DNAH10: variants seen among roughly 807,000 people sequenced by gnomAD.
The protein encoded by DNAH10 is axonemal beta dynein heavy chain 10.
DNAH10 carries 348 observed loss-of-function variants against 506.6 expected under a neutral mutation model. The observed-to-expected ratio is 0.69, with a 90% confidence interval of 0.63 to 0.75. DNAH10 has a LOEUF of 0.75. Ranked by LOEUF, DNAH10 falls within the 30% of genes least tolerant of loss-of-function variation. The pLI is 0.00. For synonymous variants in DNAH10, 2,059 were observed against 2,198.6 expected, an observed-to-expected ratio of 0.94 and a Z score of 1.78; for missense variants, 5,179 against 5,787.1, an observed-to-expected ratio of 0.89 and a Z score of 3.41.
At position 123,870,385 on chromosome 12, in the gene DNAH10, T is replaced by G; in HGVS notation, c.7539T>G (p.Tyr2513Ter). Residue 2513 changes from tyrosine to a stop codon, truncating the protein, a stop_gained, in exon 44 of 79, where the codon TAT (tyrosine) becomes TAG (stop). Transcript: ENST00000673944. LOFTEE classifies it high-confidence loss of function. ...CTGCAGGTCAACTTCCAACCTTGTATGACTTTCATTTTGATAACAAACGGA... is the reference window on the plus strand; with the variant it reads ...CTGCAGGTCAACTTCCAACCTTGTAGGACTTTCATTTTGATAACAAACGGA... The part of the protein sequence containing the change: ...GELPGQLPTL[Y>*]DFHFDNKRNQ... 1 of 1,613,852 alleles carries G rather than the reference T, an allele frequency of 6.2e-7. No homozygotes were observed. Among genetic ancestry groups the G allele is most frequent in the Non-Finnish European group, 8.5e-7 (1 of 1,179,862 alleles).
At chr12:123,859,301 G>A (rs1234513133) in intron 38 of DNAH10, 33 bp downstream of exon 38, 7 of 1,496,442 alleles carry the variant, frequency 4.7e-6, no homozygotes, top group Non-Finnish European at 9.0e-7. Flanking sequence ...GGGCCTGGCT[G>A]CCACAGGGGC....
rs1162446814 is a variant in DNAH10 at position 123,907,095 on chromosome 12, C to T, written c.9816-2166C>T. Among the ~76,000 whole-genome samples the T allele has an allele frequency of 3.3e-5, 5 of 152,198 alleles. No homozygotes were observed. The highest frequency in any genetic ancestry group is 2.0e-4 in the Admixed American group (3 of 15,288). On this transcript the variant is annotated intron_variant, in intron 57 of 78. Transcript: ENST00000673944. This position sits in a 1 kb window ranked among gnomAD's most constrained non-coding sequence, Gnocchi z 4.4. ...GGCAGGCAGGGTCTTCACTGCGTGG[C>T]GCTGACACTCTGTTTTCCTATAGGA...
chr12:123,892,981 C>G (rs1443886513), intron 52 of DNAH10, among the ~76,000 whole-genome samples: 1 of 152,252 alleles, frequency 6.6e-6, no homozygotes, highest in Non-Finnish European at 1.5e-5. Flanking sequence ...CTGCATGCTC[C>G]CTGTGATGCT....
rs1956883772 is a variant in DNAH10, at chr12:123,762,947, G to T, written c.214+397G>T. On this transcript the variant is annotated intron_variant, in intron 1 of 78. Transcript: ENST00000673944. The surrounding 1 kb of genome is among the most constrained non-coding windows in gnomAD (Gnocchi z 5.0). ...CTGCCCAAGGCCCACGGGGCGTCAA[G>T]ATCCACTGTGCAATAATCCGAACGG... Among the ~76,000 whole-genome samples, 1 of 152,162 alleles carries T rather than the reference G, an allele frequency of 6.6e-6. No homozygotes were observed. Among genetic ancestry groups the T allele is most frequent in the South Asian group, 2.1e-4 (1 of 4,828 alleles).
chr12:123,871,853 G>A (rs977854255), intron 45 of DNAH10, among the ~76,000 whole-genome samples: 1 of 152,226 alleles, frequency 6.6e-6, no homozygotes, highest in Non-Finnish European at 1.5e-5. Flanking sequence ...ATGGCTGGAG[G>A]CTGGAGGCCT....
intron 51 of DNAH10, among the ~76,000 whole-genome samples, chr12:123,885,583 G>T (rs1032221637): frequency 6.6e-6 from 1 of 152,128 alleles, no homozygotes; most frequent in Non-Finnish European, 1.5e-5. Context: ...CACTGGGAAG[G>T]TTGGATCTAA....
At chr12:123,763,519 T>A (rs1027426733) in intron 1 of DNAH10, among the ~76,000 whole-genome samples, 3 of 152,086 alleles carry the variant, frequency 2.0e-5, no homozygotes, top group African/African-American at 7.3e-5. Context: ...GATTTTTTTT[T>A]TAAAGGTACC....
At chr12:123,866,259 T>TTTG (rs1454472120) in intron 41 of DNAH10, among the ~76,000 whole-genome samples, 186 bp downstream of exon 41, 2 of 139,810 alleles carry the variant, frequency 1.4e-5, no homozygotes, top group African/African-American at 2.8e-5. Flanking sequence ...TTTTTTTTTT[T>TTTG]TGGAGACGGA....
chr12:123,833,291 C>G lies in DNAH10; in HGVS notation c.4723C>G (p.Leu1575Val). Residue 1575 changes from leucine to valine, a missense_variant, in exon 27 of 79, where the codon CTG becomes GTG. Physicochemically the swap from Leu to Val is conservative, Grantham distance 32 (BLOSUM62 1). Transcript: ENST00000673944. The stretch of plus-strand genomic sequence containing the variant: ...AGGAAGCAGATTTGTGGGGCCTTTT[C>G]TGCAAACTGTTCACAAATGGGAAAA... ...ISGSRFVGPFLQTVHKWEKTL... is the reference protein window; with the variant it reads ...ISGSRFVGPFVQTVHKWEKTL... 1 of 1,613,800 alleles carries G rather than the reference C, an allele frequency of 6.2e-7. No individual in the cohort carries two copies. Among genetic ancestry groups the G allele is most frequent in the African/African-American group, 1.3e-5 (1 of 75,040 alleles).
chr12:123,829,545 GA>G (rs1287139609), intron 25 of DNAH10, among the ~76,000 whole-genome samples: 5 of 152,094 alleles, frequency 3.3e-5, no homozygotes, highest in Admixed American at 6.5e-5. Context: ...GGAAAAGGGG[GA>G]AAAAAATAAA....
chr12:123,891,747 C>G (rs1009990398), intron 52 of DNAH10, among the ~76,000 whole-genome samples: 5 of 152,138 alleles, frequency 3.3e-5, no homozygotes, highest in African/African-American at 1.2e-4. Context: ...ATCCCCGGCT[C>G]CGTGACTTGC....
At chr12:123,881,545 A>C in intron 50 of DNAH10, 80 bp from the exon 51 acceptor site, 3 of 1,337,422 alleles carry the variant, frequency 2.2e-6, no homozygotes, top group South Asian at 3.1e-5. Context: ...TAGATTCTGG[A>C]TATTAGCCCT....
intron 30 of DNAH10, 75 bp from the exon 31 acceptor site, chr12:123,845,519 GAAATAA>G: frequency 6.5e-7 from 1 of 1,542,822 alleles, no homozygotes; most frequent in Non-Finnish European, 8.7e-7. Context: ...CCAGATCAAA[GAAATAA>G]ATTCCTGAAG....
chr12:123,898,717 G>A lies in DNAH10; in HGVS notation c.9543G>A (p.Glu3181=). ...AGGAGGCCACCATCCAGCTGGACGA[G>A]CTGAACCAGAAGCTGGCCGAGCAGA... The part of the protein sequence containing the change: ...KLKEATIQLD[E]LNQKLAEQKI... The change falls in exon 56 of 79, where the codon GAG becomes GAA. Residue 3181 remains glutamate, a synonymous_variant. Transcript: ENST00000673944. 6.2e-7 allele frequency: 1 copy of A among 1,606,420 alleles called. No individual in the cohort carries two copies. The highest frequency in any genetic ancestry group is 8.5e-7 in the Non-Finnish European group (1 of 1,176,764).
intron 17 of DNAH10, among the ~76,000 whole-genome samples, chr12:123,804,595 A>C (rs906655669): frequency 6.6e-6 from 1 of 152,128 alleles, no homozygotes; most frequent in East Asian, 1.9e-4. Flanking sequence ...ATATGTCAAC[A>C]ATGAATTGAA....
Position 123,918,967 on chromosome 12 carries a change from A to AG in DNAH10, c.11506+20dup. The AG allele has an allele frequency of 6.3e-7, 1 of 1,592,408 alleles. No individual in the cohort carries two copies. The highest frequency in any genetic ancestry group is 8.6e-7 in the Non-Finnish European group (1 of 1,166,546). On this transcript the variant is annotated intron_variant, in intron 65 of 78. Transcript: ENST00000673944. ...CTGCACAGGTGAGCTCTCCCCACAG[A>AG]GGAGGACATGTTAGTGTAGTTTGGT...
rs945345243 is a variant in DNAH10, at chr12:123,785,482, A to C, written c.1231-264A>C. 2.6e-5 allele frequency among the ~76,000 whole-genome samples: 4 copies of C among 152,134 alleles called. No individual in the cohort carries two copies. The highest frequency in any genetic ancestry group is 9.7e-5 in the African/African-American group (4 of 41,424). On this transcript the variant is annotated intron_variant, in intron 8 of 78. Coordinates refer to ENST00000673944, the MANE Select transcript of DNAH10 (RefSeq NM_001372106.1). This position sits in a 1 kb window ranked among gnomAD's most constrained non-coding sequence, Gnocchi z 4.1. ...CCTCATCTCTACAAAAATAAAAATA[A>C]AAAATTAGCCGGTGTAGTGGTGCAT...
At position 123,787,756 on chromosome 12, in the gene DNAH10, A is replaced by G. The variant is rs1297203675; in HGVS notation, c.1422-48A>G. Reference sequence around the variant, plus strand: ...TCCCCAGCCGGGGAGTGCGGCTCGGACCCGGAGCTCCGCCCTCCTCCCATC... The same window carrying G: ...TCCCCAGCCGGGGAGTGCGGCTCGGGCCCGGAGCTCCGCCCTCCTCCCATC... On this transcript the variant is annotated intron_variant, in intron 9 of 78. Transcript: ENST00000673944. This position sits in a 1 kb window ranked among gnomAD's most constrained non-coding sequence, Gnocchi z 4.6. 10 of 1,582,934 alleles carry G rather than the reference A, an allele frequency of 6.3e-6. No individual in the cohort carries two copies. Among genetic ancestry groups the G allele is most frequent in the Non-Finnish European group, 7.7e-6 (9 of 1,165,318 alleles).
chr12:123,877,650 A>G (rs1440491378), intron 47 of DNAH10, 86 bp from the exon 48 acceptor site: 1 of 1,477,128 alleles, frequency 6.8e-7, no homozygotes, highest in Non-Finnish European at 9.0e-7. Context: ...GTAATAGTCC[A>G]TTGTACGGCT....
Sources: gnomAD v4.1 joint callset for allele counts (sites outside exome capture counted in the v4.1 genomes callset) on GRCh38, gnomAD v4.1.1 for gene constraint, Gnocchi (gnomAD v3.1) non-coding constraint, MANE v1.5 for transcripts, NCBI Gene and HGNC (gene_info 2026-07-23, HGNC 2026-07-21) for gene names.